The following CWF19L2 variants were observed in gnomAD, a reference collection of about 807,000 sequenced individuals.
The protein encoded by CWF19L2 is CWF19-like protein 2.
CWF19L2 carries 98 observed loss-of-function variants against 111.7 expected under a neutral mutation model. That is an observed-to-expected ratio of 0.88 (90% CI 0.75 to 1.04). The LOEUF (loss-of-function observed/expected upper bound fraction) is 1.04. Ranked by LOEUF, CWF19L2 falls within the 50% of genes least tolerant of loss-of-function variation. CWF19L2 has a pLI of 0.00. For synonymous variants in CWF19L2, 351 were observed against 342.9 expected, an observed-to-expected ratio of 1.02 and a Z score of -0.26; for missense variants, 1,101 against 1,051.4, an observed-to-expected ratio of 1.05 and a Z score of -0.65.
chr11:107,403,779 C>A, intron 10 of CWF19L2: 1 of 885,658 alleles, frequency 1.1e-6, no homozygotes, highest in Non-Finnish European at 1.9e-6. Context: ...ATCTCAGCTG[C>A]AACTTTCTCC....
At chr11:107,337,148 T>C (rs74473861) in intron 14 of CWF19L2, among the ~76,000 whole-genome samples, 2,068 of 152,316 alleles carry the variant, frequency 0.014, 42 homozygotes, top group African/African-American at 0.046. Flanking sequence ...CCTATGCTCA[T>C]AGCATCTGCA....
At chr11:107,389,859 CCA>C (rs1282295789) in intron 12 of CWF19L2, among the ~76,000 whole-genome samples, 1 of 152,234 alleles carries the variant, frequency 6.6e-6, no homozygotes, top group East Asian at 1.9e-4. Flanking sequence ...AAGAAATAAA[CCA>C]CAGTCTATAT....
At chr11:107,438,289 A>G (rs1861570488) in intron 6 of CWF19L2, among the ~76,000 whole-genome samples, 1 of 152,234 alleles carries the variant, frequency 6.6e-6, no homozygotes. Context: ...TAATGGGAAT[A>G]TAAGTAATTT....
intron 8 of CWF19L2, among the ~76,000 whole-genome samples, chr11:107,418,505 G>T (rs1050337007): frequency 1.3e-5 from 2 of 152,046 alleles, no homozygotes; most frequent in African/African-American, 4.8e-5. Context: ...TATAATAACT[G>T]ATCAAAATCC....
chr11:107,331,718 G>A (rs941836918), intron 16 of CWF19L2, among the ~76,000 whole-genome samples: 9 of 152,192 alleles, frequency 5.9e-5, no homozygotes, highest in African/African-American at 2.2e-4. Context: ...AGCAGCAATA[G>A]GAAACCAATA....
intron 9 of CWF19L2, among the ~76,000 whole-genome samples, chr11:107,416,523 A>G (rs1861228971): frequency 6.6e-6 from 1 of 152,240 alleles, no homozygotes; most frequent in Non-Finnish European, 1.5e-5. Flanking sequence ...ATAAATAATT[A>G]TAAGGACATA....
At chr11:107,332,247 G>T (rs1401054910) in intron 16 of CWF19L2, among the ~76,000 whole-genome samples, 1 of 152,062 alleles carries the variant, frequency 6.6e-6, no homozygotes, top group Admixed American at 6.6e-5. Context: ...ATTTTTTAAA[G>T]TTCAGAAAGA....
At chr11:107,386,995 AATG>A (rs1860776116) in intron 12 of CWF19L2, among the ~76,000 whole-genome samples, 1 of 151,870 alleles carries the variant, frequency 6.6e-6, no homozygotes, top group African/African-American at 2.4e-5. Context: ...CGGAGGTTGC[AATG>A]AGTTGGGATT....
intron 1 of CWF19L2, 48 bp downstream of exon 1, chr11:107,457,664 C>A: frequency 7.1e-7 from 1 of 1,402,112 alleles, no homozygotes; most frequent in Non-Finnish European, 9.9e-7. Context: ...CGGGAACCCT[C>A]AACTCCCACA....
Position 107,373,502 on chromosome 11 carries a change from G to C in CWF19L2, c.1872+16572C>G, listed in dbSNP as rs574669163. 9.2e-4 allele frequency among the ~76,000 whole-genome samples: 121 copies of C among 131,734 alleles called. 17 individuals are homozygous for C. Among genetic ancestry groups the C allele is most frequent in the African/African-American group, 3.3e-3 (109 of 33,094 alleles). 86.4% of individuals were successfully genotyped at this position (131,734 alleles called of 152,430 possible). A position where few individuals can be genotyped will look rare whatever the true frequency, so the allele number is the denominator to read the frequency against. On this transcript the variant is annotated intron_variant, in intron 12 of 17. Transcript: ENST00000282251. ...AGCCTAACTGGGAGGCACCCCCCAGGAGGGGCAGACTGACACCTCACATGG... is the reference window on the plus strand; with the variant it reads ...AGCCTAACTGGGAGGCACCCCCCAGCAGGGGCAGACTGACACCTCACATGG...
chr11:107,425,422 T>C (rs1861361848), intron 8 of CWF19L2, among the ~76,000 whole-genome samples: 1 of 151,908 alleles, frequency 6.6e-6, no homozygotes, highest in East Asian at 1.9e-4. Context: ...TATCATTGTG[T>C]TACAATTGCC....
intron 12 of CWF19L2, among the ~76,000 whole-genome samples, chr11:107,372,704 C>T (rs944730397): frequency 1.5e-5 from 2 of 135,502 alleles, no homozygotes; most frequent in Admixed American, 7.2e-5. Flanking sequence ...AGAAGGAATG[C>T]TAGAAAACTA....
At chr11:107,410,327 G>A (rs1861139058) in intron 10 of CWF19L2, among the ~76,000 whole-genome samples, 1 of 152,016 alleles carries the variant, frequency 6.6e-6, no homozygotes, top group Non-Finnish European at 1.5e-5. Flanking sequence ...TGGATCTGAT[G>A]GAATAAATTA....
intron 12 of CWF19L2, among the ~76,000 whole-genome samples, chr11:107,378,804 C>T (rs767093774): frequency 6.6e-6 from 1 of 151,316 alleles, no homozygotes; most frequent in Non-Finnish European, 1.5e-5. Context: ...AATAAAGTTA[C>T]AAAATGTTTA....
intron 5 of CWF19L2, among the ~76,000 whole-genome samples, chr11:107,439,775 T>C (rs1239299460): frequency 6.6e-6 from 1 of 151,998 alleles, no homozygotes; most frequent in East Asian, 1.9e-4. Context: ...TGACAAGAGA[T>C]TATGTTGTAG....
rs1015411825 is a variant in CWF19L2 at position 107,371,106 on chromosome 11, C to G, written c.1873-17370G>C. 1.5e-5 allele frequency among the ~76,000 whole-genome samples: 2 copies of G among 130,312 alleles called. 1 individual carries two copies. The highest frequency in any genetic ancestry group is 6.3e-5 in the African/African-American group (2 of 31,750). The allele number at this position is 130,312 out of a possible 152,430, so 85.5% of individuals were successfully genotyped here. Reference sequence around the variant, plus strand: ...TCGGCTCACTGCAAGCTCTGCCTCCCGGGTTCTCCTGCCTCATCCTCCTGA... The same window carrying G: ...TCGGCTCACTGCAAGCTCTGCCTCCGGGGTTCTCCTGCCTCATCCTCCTGA... On this transcript the variant is annotated intron_variant, in intron 12 of 17. Coordinates refer to ENST00000282251, the MANE Select transcript of CWF19L2 (RefSeq NM_152434.3).
chr11:107,415,697 C>A (rs1861214990), intron 10 of CWF19L2, among the ~76,000 whole-genome samples: 1 of 152,174 alleles, frequency 6.6e-6, no homozygotes, highest in Admixed American at 6.5e-5. Flanking sequence ...TCCACCAGAG[C>A]ACACTGATAG....
intron 14 of CWF19L2, among the ~76,000 whole-genome samples, chr11:107,342,145 G>A (rs1860013817): frequency 6.6e-6 from 1 of 151,562 alleles, no homozygotes. Flanking sequence ...TGAGGTGAAG[G>A]TTTTTCCTCT....
chr11:107,388,787 C>T (rs1860807903), intron 12 of CWF19L2, among the ~76,000 whole-genome samples: 1 of 152,172 alleles, frequency 6.6e-6, no homozygotes. Context: ...ACTTCATATA[C>T]AGAGGTACCA....
Sources: allele counts gnomAD v4.1 joint callset (sites outside exome capture counted in the v4.1 genomes callset), GRCh38; gene constraint gnomAD v4.1.1; transcripts MANE v1.5; gene names NCBI Gene and HGNC (gene_info 2026-07-23, HGNC 2026-07-21).